KCND3: variants seen among roughly 807,000 people sequenced by gnomAD.
KCND3 encodes A-type voltage-gated potassium channel KCND3.
In KCND3, 9 loss-of-function variants were observed where a neutral mutation model predicts 51.1. The ratio of observed to expected loss-of-function variants is 0.18; its 90% CI spans 0.11 to 0.31. KCND3 has a LOEUF of 0.31. KCND3 is among the 10% of genes least tolerant of loss of function. The probability of loss-of-function intolerance (pLI) is 1.00; values close to 1 mark genes in which losing one functional copy is unlikely to be tolerated. For synonymous variants in KCND3, 349 were observed against 368.0 expected (o/e 0.95, Z 0.59); for missense variants, 526 against 903.8 (o/e 0.58, Z 5.36).
At chr1:111,900,810 A>C (rs981208584) in intron 2 of KCND3, among the ~76,000 whole-genome samples, 5 of 152,148 alleles carry the variant, frequency 3.3e-5, no homozygotes, top group Non-Finnish European at 7.3e-5. Flanking sequence ...TACAAAAATT[A>C]GCCGGGTGTG....
intron 2 of KCND3, 130 bp from the exon 3 acceptor site, chr1:111,787,236 G>C: frequency 2.1e-6 from 2 of 959,476 alleles, no homozygotes; most frequent in Non-Finnish European, 3.3e-6. Context: ...TCTACTATGT[G>C]CCAGGTACTG....
intron 2 of KCND3, among the ~76,000 whole-genome samples, chr1:111,895,639 A>C (rs1670069960): frequency 1.3e-5 from 2 of 152,364 alleles, no homozygotes; most frequent in Non-Finnish European, 1.5e-5. Flanking sequence ...CTTATTCAGC[A>C]GCAGGATGAG....
chr1:111,886,698 C>T (rs1669585671), intron 2 of KCND3, among the ~76,000 whole-genome samples: 1 of 152,212 alleles, frequency 6.6e-6, no homozygotes, highest in Admixed American at 6.5e-5. Context: ...CATTATTTCC[C>T]TGACTTTTCA....
intron 2 of KCND3, among the ~76,000 whole-genome samples, chr1:111,808,970 C>T (rs538173160): frequency 6.6e-6 from 1 of 152,380 alleles, no homozygotes; most frequent in East Asian, 1.9e-4. Flanking sequence ...TCCTCCACCC[C>T]TAATCTGGAT....
chr1:111,772,145 T>G lies in KCND3; in HGVS notation c.*3932A>C, dbSNP rs74112122. 1 of 152,116 alleles carries G rather than the reference T, an allele frequency of 6.6e-6. No homozygotes were observed. Among genetic ancestry groups the G allele is most frequent in the Non-Finnish European group, 1.5e-5 (1 of 68,012 alleles). 9.4% of individuals were successfully genotyped at this position (152,116 alleles called of 1,614,324 possible). On this transcript the variant is annotated 3_prime_UTR_variant, in exon 8 of 8. Transcript: ENST00000302127. Reference sequence around the variant, plus strand: ...CAGTTTCTTTCCACATGTTTTCCCCTCTCTGAATCAAGGATTTAGCTACTT... The same window carrying G: ...CAGTTTCTTTCCACATGTTTTCCCCGCTCTGAATCAAGGATTTAGCTACTT...
rs937177851 is a variant in KCND3 at position 111,818,037 on chromosome 1, C to T, written c.1107-30931G>A. Reference sequence around the variant, plus strand: ...TGAGCTGTTCCCATAGGCACACGCGCGTGCACACACACACACACACACACA... The same window carrying T: ...TGAGCTGTTCCCATAGGCACACGCGTGTGCACACACACACACACACACACA... On this transcript the variant is annotated intron_variant, in intron 2 of 7. Transcript: ENST00000302127. Among the ~76,000 whole-genome samples, 51 of 122,062 alleles carry T rather than the reference C, an allele frequency of 4.2e-4. 1 individual carries two copies. The highest frequency in any genetic ancestry group is 2.4e-3 in the East Asian group (10 of 4,238). The allele number at this position is 122,062 out of a possible 152,430, so 80.1% of individuals were successfully genotyped here. A position where few individuals can be genotyped will look rare whatever the true frequency, so the allele number is the denominator to read the frequency against.
intron 2 of KCND3, among the ~76,000 whole-genome samples, chr1:111,873,203 T>C (rs1460259522): frequency 6.6e-6 from 1 of 152,226 alleles, no homozygotes; most frequent in Non-Finnish European, 1.5e-5. Flanking sequence ...CCTCGAAATG[T>C]CTCTGCCCTC....
intron 2 of KCND3, among the ~76,000 whole-genome samples, chr1:111,816,573 G>A (rs541788746): frequency 2.0e-5 from 3 of 152,302 alleles, no homozygotes; most frequent in Non-Finnish European, 2.9e-5. Context: ...TTCACACCCC[G>A]AACTGGGAAA....
chr1:111,831,488 A>C (rs537992254), intron 2 of KCND3, among the ~76,000 whole-genome samples: 1 of 152,188 alleles, frequency 6.6e-6, no homozygotes, highest in Admixed American at 6.5e-5. Flanking sequence ...AGGCCTCCCC[A>C]GCCATGCTCC....
At chr1:111,837,514 G>C (rs602825) in intron 2 of KCND3, among the ~76,000 whole-genome samples, 26,228 of 152,188 alleles carry the variant, frequency 0.17, 2,435 homozygotes, top group Non-Finnish European at 0.21. Flanking sequence ...TTAGTGACTT[G>C]ACTGGGCTCG....
intron 2 of KCND3, among the ~76,000 whole-genome samples, chr1:111,832,019 G>A (rs544364555): frequency 6.6e-5 from 10 of 152,298 alleles, no homozygotes; most frequent in African/African-American, 2.4e-4. Context: ...CCTCAATGGG[G>A]GGAATATACT....
At chr1:111,930,873 C>A (rs1671936335) in intron 2 of KCND3, among the ~76,000 whole-genome samples, 1 of 152,192 alleles carries the variant, frequency 6.6e-6, no homozygotes, top group Non-Finnish European at 1.5e-5. Context: ...AGGGCACACA[C>A]CCAGGTAGCT....
chr1:111,900,434 C>T (rs992723942), intron 2 of KCND3, among the ~76,000 whole-genome samples: 1 of 152,232 alleles, frequency 6.6e-6, no homozygotes, highest in African/African-American at 2.4e-5. Flanking sequence ...AGCCTCCACC[C>T]TGCAAACTAG....
At chr1:111,940,073 G>GTTTTTTTTTTTTTTTTTTTTTTTTTTTTT (rs61088602) in intron 2 of KCND3, among the ~76,000 whole-genome samples, 2 of 85,472 alleles carry the variant, frequency 2.3e-5, no homozygotes, top group Non-Finnish European at 4.2e-5. Flanking sequence ...CTTTTTGATG[G>GTTTTTTTTTTTTTTTTTTTTTTTTTTTTT]TTTTTTTTTT....
chr1:111,912,753 A>C (rs1671023302), intron 2 of KCND3, among the ~76,000 whole-genome samples: 2 of 152,218 alleles, frequency 1.3e-5, no homozygotes, highest in African/African-American at 2.4e-5. Context: ...AAAAAACCCC[A>C]AAACCCCCTT....
intron 2 of KCND3, among the ~76,000 whole-genome samples, chr1:111,811,212 C>T (rs923051406): frequency 6.6e-6 from 1 of 152,162 alleles, no homozygotes; most frequent in Non-Finnish European, 1.5e-5. Flanking sequence ...TCCTCATCTG[C>T]TCAGACAGAG....
chr1:111,783,940 A>G (rs1393232933), intron 3 of KCND3, among the ~76,000 whole-genome samples: 2 of 152,186 alleles, frequency 1.3e-5, no homozygotes, highest in Non-Finnish European at 2.9e-5. Flanking sequence ...AACATTTTTG[A>G]AATTAAAACA....
chr1:111,786,641 C>T (rs1486937017), intron 3 of KCND3, among the ~76,000 whole-genome samples: 1 of 152,004 alleles, frequency 6.6e-6, no homozygotes, highest in Non-Finnish European at 1.5e-5. Context: ...GGGAGGAGTG[C>T]GGGGATGGCT....
rs1416268559 is a variant in KCND3, at chr1:111,818,751, G to A, written c.1107-31645C>T. 3.3e-5 allele frequency among the ~76,000 whole-genome samples: 5 copies of A among 152,102 alleles called. No individual in the cohort carries two copies. In the East Asian group the frequency reaches 5.8e-4, roughly 18 times the overall value. On this transcript the variant is annotated intron_variant, in intron 2 of 7. Coordinates refer to ENST00000302127, the MANE Select transcript of KCND3 (RefSeq NM_001378969.1). ...CTTTCTCCTCTGTGTCAGAAGGGCC[G>A]CCCGGGCCTCCCCTCTCAGTCTTGC...
Sources: gnomAD v4.1 joint callset for allele counts (sites outside exome capture counted in the v4.1 genomes callset) on GRCh38, gnomAD v4.1.1 for gene constraint, MANE v1.5 for transcripts, NCBI Gene and HGNC (gene_info 2026-07-23, HGNC 2026-07-21) for gene names.